Variants in DTWD1 observed in about 807,000 individuals in gnomAD.
DTWD1 encodes the protein DTW motif tRNA-uridine aminocarboxypropyltransferase 1.
A neutral mutation model predicts 30.2 loss-of-function variants in DTWD1; 27 were observed. The ratio of observed to expected loss-of-function variants is 0.90; its 90% confidence interval spans 0.66 to 1.23. The LOEUF is 1.23. Among genes scored for constraint, DTWD1 ranks in the 50% most tolerant of loss-of-function variants. The pLI is 0.00. For missense variants in DTWD1, 342 were observed against 348.8 expected, an observed-to-expected ratio of 0.98 and a Z score of 0.15; for synonymous variants, 99 against 113.1, an observed-to-expected ratio of 0.88 and a Z score of 0.79.
intron 1 of DTWD1, among the ~76,000 whole-genome samples, chr15:49,621,634 T>C (rs2078716002): frequency 6.6e-6 from 1 of 152,092 alleles, no homozygotes; most frequent in Admixed American, 6.5e-5. Flanking sequence ...GTAGGACAAA[T>C]AAGGAAGTAT....
chr15:49,636,698 A>G (rs2079007499), intron 4 of DTWD1, among the ~76,000 whole-genome samples: 1 of 152,152 alleles, frequency 6.6e-6, no homozygotes, highest in Non-Finnish European at 1.5e-5. Context: ...GTTTATATCT[A>G]TCGTTTGGGT....
At chr15:49,638,664 CAATT>C (rs1185587540) in intron 4 of DTWD1, among the ~76,000 whole-genome samples, 1 of 152,174 alleles carries the variant, frequency 6.6e-6, no homozygotes, top group Non-Finnish European at 1.5e-5. Context: ...GTCTATACCT[CAATT>C]AAACCCTCAG....
chr15:49,632,036 A>T, intron 2 of DTWD1, 123 bp from the exon 3 acceptor site: 3 of 921,834 alleles, frequency 3.3e-6, no homozygotes, highest in Non-Finnish European at 3.4e-6. Flanking sequence ...TATATCTTTT[A>T]AACCATATGC....
At chr15:49,637,785 C>A (rs187474302) in intron 4 of DTWD1, among the ~76,000 whole-genome samples, 23 of 152,236 alleles carry the variant, frequency 1.5e-4, no homozygotes, top group Admixed American at 9.2e-4. Context: ...CATTTTGACA[C>A]TTTTTGGAGT....
chr15:49,631,791 G>A (rs1289391971), intron 2 of DTWD1, among the ~76,000 whole-genome samples: 4 of 152,006 alleles, frequency 2.6e-5, no homozygotes, highest in Admixed American at 2.0e-4. Context: ...AAATAAAATG[G>A]CATAAAATAG....
Position 49,646,708 on chromosome 15 carries a change from C to T in DTWD1, c.*3130C>T, listed in dbSNP as rs144912847. ...TCCAGAAGCGTACTCTGTGGCCAAG[C>T]AAGTGTACTTGCCACATGATTGGCA... On this transcript the variant is annotated 3_prime_UTR_variant, in exon 5 of 5. Coordinates refer to ENST00000403028, the MANE Select transcript of DTWD1 (RefSeq NM_001144955.2). 6.6e-6 allele frequency: 1 copy of T among 152,268 alleles called. No homozygotes were observed. Among genetic ancestry groups the T allele is most frequent in the Admixed American group, 6.5e-5 (1 of 15,284 alleles). 9.4% of individuals were successfully genotyped at this position (152,268 alleles called of 1,614,324 possible). A position where few individuals can be genotyped will look rare whatever the true frequency, so the allele number is the denominator to read the frequency against.
At chr15:49,631,266 A>T (rs1370572926) in intron 2 of DTWD1, among the ~76,000 whole-genome samples, 1 of 152,160 alleles carries the variant, frequency 6.6e-6, no homozygotes, top group African/African-American at 2.4e-5. Flanking sequence ...CAGTTTTGTG[A>T]TATAAAGATT....
chr15:49,624,473 A>G, intron 1 of DTWD1, among the ~76,000 whole-genome samples: 1 of 152,196 alleles, frequency 6.6e-6, no homozygotes, highest in East Asian at 1.9e-4. Flanking sequence ...AATCTGAATG[A>G]TGTATGTTTT....
chr15:49,646,518 A>G lies in DTWD1; in HGVS notation c.*2940A>G, dbSNP rs1287944682. 6.6e-6 allele frequency: 1 copy of G among 152,112 alleles called. No homozygotes were observed. Among genetic ancestry groups the G allele is most frequent in the East Asian group, 1.9e-4 (1 of 5,164 alleles). 9.4% of individuals were successfully genotyped at this position (152,112 alleles called of 1,614,324 possible). A position where few individuals can be genotyped will look rare whatever the true frequency, so the allele number is the denominator to read the frequency against. Reference sequence around the variant, plus strand: ...CTATAACAACACTTCTGTGCTTTAAAAACCCCATGCCACAATGACTGTTAA... The same window carrying G: ...CTATAACAACACTTCTGTGCTTTAAGAACCCCATGCCACAATGACTGTTAA... On this transcript the variant is annotated 3_prime_UTR_variant, in exon 5 of 5. Transcript: ENST00000403028.
chr15:49,634,677 C>G lies in DTWD1; in HGVS notation c.550C>G (p.Gln184Glu), dbSNP rs770108274. 4 of 1,613,456 alleles carry G rather than the reference C, an allele frequency of 2.5e-6. No individual in the cohort carries two copies. The Admixed American group carries it at 6.7e-5, about 27-fold the overall frequency. The change falls in exon 4 of 5, where the codon CAA (glutamine) becomes GAA (glutamate). Residue 184 changes from glutamine to glutamate, a missense_variant. Gln to Glu is a conservative substitution (Grantham distance 29, BLOSUM62 2). Coordinates refer to ENST00000403028, the MANE Select transcript of DTWD1 (RefSeq NM_001144955.2). ...TTTTAAACGCAAAAGAACTGAAGAA[C>G]AAGAGTTCTGTGATTTGAATGACAG... ...PSFKRKRTEE[Q>E]EFCDLNDSKC...
intron 4 of DTWD1, among the ~76,000 whole-genome samples, chr15:49,642,817 T>C (rs936436419): frequency 1.3e-5 from 2 of 152,106 alleles, no homozygotes; most frequent in Non-Finnish European, 2.9e-5. Context: ...GTCCCAGCTA[T>C]TTGGGAGGCT....
At chr15:49,640,804 A>G (rs1445365117) in intron 4 of DTWD1, among the ~76,000 whole-genome samples, 2 of 152,076 alleles carry the variant, frequency 1.3e-5, no homozygotes, top group Non-Finnish European at 2.9e-5. Flanking sequence ...ATTCTAGAAT[A>G]TAGATAATGT....
At chr15:49,627,535 G>A (rs2078859691) in intron 2 of DTWD1, among the ~76,000 whole-genome samples, 1 of 152,120 alleles carries the variant, frequency 6.6e-6, no homozygotes, top group African/African-American at 2.4e-5. Context: ...CAAATTCACT[G>A]TTGTGCAAAC....
At chr15:49,639,714 G>T (rs867675688) in intron 4 of DTWD1, among the ~76,000 whole-genome samples, 61 of 152,248 alleles carry the variant, frequency 4.0e-4, no homozygotes, top group African/African-American at 1.4e-3. Context: ...AAAAGAGACT[G>T]GAGAAATTCA....
intron 4 of DTWD1, 131 bp downstream of exon 4, chr15:49,634,925 C>CTATT (rs112567397): frequency 0.025 from 20,164 of 813,892 alleles, 1,040 homozygotes; most frequent in African/African-American, 0.17. Flanking sequence ...CTTTATTTCT[C>CTATT]TCTTTTTATT....
intron 1 of DTWD1, 97 bp from the exon 2 acceptor site, chr15:49,625,011 AACAGC>A (rs1406763712): frequency 2.7e-6 from 2 of 734,044 alleles, no homozygotes; most frequent in Admixed American, 5.9e-5. Flanking sequence ...TAAGTACTAA[AACAGC>A]ACACAATTGT....
chr15:49,630,086 GAA>G (rs1342129708), intron 2 of DTWD1: 1 of 152,116 alleles, frequency 6.6e-6, no homozygotes, highest in Non-Finnish European at 1.5e-5. Context: ...AAAGTCAAAT[GAA>G]GAGGGTATAT....
Position 49,647,834 on chromosome 15 carries a change from A to G in DTWD1, c.*4256A>G, listed in dbSNP as rs538570282. 6.6e-6 allele frequency: 1 copy of G among 152,276 alleles called. No individual in the cohort carries two copies. The highest frequency in any genetic ancestry group is 2.1e-4 in the South Asian group (1 of 4,830). The allele number at this position is 152,276 out of a possible 1,614,324, so 9.4% of individuals were successfully genotyped here. A position where few individuals can be genotyped will look rare whatever the true frequency, so the allele number is the denominator to read the frequency against. On this transcript the variant is annotated 3_prime_UTR_variant, in exon 5 of 5. Coordinates refer to ENST00000403028, the MANE Select transcript of DTWD1 (RefSeq NM_001144955.2). ...AAAAAACTGTCTTCAAAATAAGAGT[A>G]TATTATATTCACAAAACAAGAATAG...
intron 1 of DTWD1, chr15:49,623,565 T>C (rs1470982176): frequency 6.6e-6 from 1 of 152,152 alleles, no homozygotes; most frequent in African/African-American, 2.4e-5. Context: ...GCGTGGCCCT[T>C]CCCAAGCTTG....
Sources: allele counts gnomAD v4.1 joint callset (sites outside exome capture counted in the v4.1 genomes callset), GRCh38; gene constraint gnomAD v4.1.1; transcripts MANE v1.5; gene names NCBI Gene and HGNC (gene_info 2026-07-23, HGNC 2026-07-21).